CHODL: variants seen among roughly 807,000 people sequenced by gnomAD.
CHODL encodes the protein transmembrane protein MT75.
A neutral mutation model predicts 34.5 loss-of-function variants in CHODL; 29 were observed. That is an observed-to-expected ratio of 0.84 (90% confidence interval 0.63 to 1.15). CHODL has a LOEUF of 1.15. Ranked by LOEUF, CHODL falls within the 50% of genes most tolerant of loss-of-function variation. CHODL has a pLI of 0.00. For synonymous variants in CHODL, 125 were observed against 116.1 expected, an observed-to-expected ratio of 1.08 and a Z score of -0.49; for missense variants, 332 against 332.5, an observed-to-expected ratio of 1.00 and a Z score of 0.01.
At chr21:18,245,969 A>G in intron 1 of CHODL, 2 of 1,529,498 alleles carry the variant, frequency 1.3e-6, no homozygotes, top group Non-Finnish European at 1.8e-6. Flanking sequence ...TTCGGCACAC[A>G]GTAGGTGCAC....
At chr21:18,225,012 G>A (rs2073918286) in intron 2 of CHODL, among the ~76,000 whole-genome samples, 1 of 151,980 alleles carries the variant, frequency 6.6e-6, no homozygotes, top group Non-Finnish European at 1.5e-5. Context: ...TTATAGAGAA[G>A]GTGATTTTTC....
At chr21:17,964,212 G>A (rs2063554351) in intron 1 of CHODL, among the ~76,000 whole-genome samples, 1 of 152,080 alleles carries the variant, frequency 6.6e-6, no homozygotes, top group Non-Finnish European at 1.5e-5. Context: ...TTTAATGATC[G>A]ATACATGTGT....
At chr21:17,978,391 C>A (rs963687350) in intron 1 of CHODL, among the ~76,000 whole-genome samples, 1 of 144,542 alleles carries the variant, frequency 6.9e-6, no homozygotes, top group African/African-American at 2.6e-5. Context: ...CACTGCACTC[C>A]AGCCTGGGGC....
At chr21:18,246,118 TGG>T in intron 1 of CHODL, 1 of 661,456 alleles carries the variant, frequency 1.5e-6, no homozygotes, top group East Asian at 2.7e-5. Flanking sequence ...CCTTACTTTT[TGG>T]GACGGTCTCT....
intron 2 of CHODL, among the ~76,000 whole-genome samples, chr21:18,220,643 C>T (rs1188227023): frequency 6.6e-6 from 1 of 150,856 alleles, no homozygotes; most frequent in Non-Finnish European, 1.5e-5. Flanking sequence ...AACTTTATTT[C>T]TCTTTCATTT....
chr21:18,141,504 A>G (rs1317792209), intron 2 of CHODL, among the ~76,000 whole-genome samples: 1 of 152,038 alleles, frequency 6.6e-6, no homozygotes, highest in Admixed American at 6.6e-5. Flanking sequence ...GAAATGGGCA[A>G]CACAGAAGAT....
At chr21:18,206,039 T>C (rs58802783) in intron 2 of CHODL, among the ~76,000 whole-genome samples, 4,744 of 152,286 alleles carry the variant, frequency 0.031, 241 homozygotes, top group African/African-American at 0.11. Flanking sequence ...TTAACACTAG[T>C]TTTGTGGCCT....
At chr21:18,035,227 G>C (rs1190289294) in intron 2 of CHODL, among the ~76,000 whole-genome samples, 3 of 151,894 alleles carry the variant, frequency 2.0e-5, no homozygotes, top group Non-Finnish European at 4.4e-5. Flanking sequence ...GCTTCATTTT[G>C]AAAGATAATT....
intron 2 of CHODL, among the ~76,000 whole-genome samples, chr21:18,030,904 A>G (rs157740): frequency 0.67 from 101,868 of 152,014 alleles, 35,013 homozygotes; most frequent in African/African-American, 0.79. Flanking sequence ...TTTTCTAATA[A>G]TATTGGGCAG....
intron 1 of CHODL, among the ~76,000 whole-genome samples, chr21:17,983,369 T>G (rs780517786): frequency 5.3e-5 from 8 of 152,210 alleles, no homozygotes; most frequent in Non-Finnish European, 1.0e-4. Context: ...CTTGTGACCT[T>G]GGTGATTTCT....
chr21:17,947,322 A>G (rs1174896450), intron 1 of CHODL, among the ~76,000 whole-genome samples: 1 of 152,136 alleles, frequency 6.6e-6, no homozygotes, highest in East Asian at 1.9e-4. Flanking sequence ...TGAAATGGAA[A>G]CACAGCATAC....
chr21:17,936,890 A>G (rs1199171901), intron 1 of CHODL, among the ~76,000 whole-genome samples: 1 of 152,112 alleles, frequency 6.6e-6, no homozygotes, highest in Non-Finnish European at 1.5e-5. Context: ...CCTGGCCAAC[A>G]TGGTGAATCT....
chr21:18,260,395 A>G (rs2074366491), intron 4 of CHODL, 109 bp downstream of exon 4: 3 of 671,992 alleles, frequency 4.5e-6, no homozygotes, highest in Admixed American at 3.0e-5. Flanking sequence ...GTGGTTCACT[A>G]AGTATGGTCC....
chr21:17,979,669 G>A (rs113614174), intron 1 of CHODL, among the ~76,000 whole-genome samples: 50 of 152,330 alleles, frequency 3.3e-4, no homozygotes, highest in African/African-American at 1.2e-3. Flanking sequence ...GCAGACAGCA[G>A]TAATGAGTTA....
intron 4 of CHODL, among the ~76,000 whole-genome samples, chr21:18,260,845 AAC>A (rs1483411867): frequency 4.7e-5 from 5 of 105,894 alleles, no homozygotes; most frequent in Admixed American, 2.5e-4. Context: ...CAACAACAAC[AAC>A]AAAAAAACAC....
intron 2 of CHODL, among the ~76,000 whole-genome samples, chr21:18,139,262 A>T (rs189575840): frequency 3.1e-4 from 47 of 151,798 alleles, no homozygotes; most frequent in Non-Finnish European, 4.4e-5. Context: ...TGATTTAGGG[A>T]TGGGATATAA....
At chr21:17,927,052 ATG>A (rs1179546032) in intron 1 of CHODL, among the ~76,000 whole-genome samples, 1 of 151,140 alleles carries the variant, frequency 6.6e-6, no homozygotes, top group Admixed American at 6.6e-5. Context: ...GTATGCATAT[ATG>A]TGTATATGTA....
intron 1 of CHODL, among the ~76,000 whole-genome samples, chr21:17,999,784 G>T (rs562095096): frequency 2.3e-4 from 35 of 152,328 alleles, no homozygotes; most frequent in African/African-American, 7.9e-4. Context: ...TTCAAGCTGA[G>T]ATTTGGGTGG....
chr21:17,925,707 C>T (rs1192443726), intron 1 of CHODL, among the ~76,000 whole-genome samples: 1 of 152,076 alleles, frequency 6.6e-6, no homozygotes, highest in Non-Finnish European at 1.5e-5. Context: ...TTGGATGATT[C>T]CTATTTTTGT....
Sources: allele counts gnomAD v4.1 joint callset (sites outside exome capture counted in the v4.1 genomes callset), GRCh38; gene constraint gnomAD v4.1.1; transcripts MANE v1.5; gene names NCBI Gene and HGNC (gene_info 2026-07-23, HGNC 2026-07-21).